The following KCNIP4 variants were observed in gnomAD, a reference collection of about 807,000 sequenced individuals.
KCNIP4 encodes the protein Kv channel-interacting protein 4.
KCNIP4 carries 12 observed loss-of-function variants against 34.0 expected under a neutral mutation model. The observed-to-expected ratio is 0.35, with a 90% CI of 0.23 to 0.57. KCNIP4 has a LOEUF of 0.57. Ranked by LOEUF, KCNIP4 falls within the 20% of genes least tolerant of loss-of-function variation. The probability of loss-of-function intolerance (pLI) is 0.83; values close to 1 mark genes in which losing one functional copy is unlikely to be tolerated. For missense variants in KCNIP4, 238 were observed against 311.7 expected, an observed-to-expected ratio of 0.76 and a Z score of 1.78; for synonymous variants, 124 against 102.2, an observed-to-expected ratio of 1.21 and a Z score of -1.29.
At chr4:21,072,518 T>G (rs1745054016) in intron 1 of KCNIP4, among the ~76,000 whole-genome samples, 1 of 152,156 alleles carries the variant, frequency 6.6e-6, no homozygotes, top group Admixed American at 6.5e-5. Context: ...AAATTTTGTT[T>G]AAGTTCTTTG....
chr4:20,907,058 T>C (rs950545429), intron 1 of KCNIP4, among the ~76,000 whole-genome samples: 4 of 152,216 alleles, frequency 2.6e-5, no homozygotes, highest in Non-Finnish European at 5.9e-5. Context: ...TTTGGCTTAA[T>C]GAGAGTATAT....
At chr4:20,832,179 G>GATT (rs1274153872) in intron 3 of KCNIP4, among the ~76,000 whole-genome samples, 1 of 151,928 alleles carries the variant, frequency 6.6e-6, no homozygotes. Context: ...TTGCTGTTTG[G>GATT]ATTATTATTA....
intron 1 of KCNIP4, among the ~76,000 whole-genome samples, chr4:21,557,827 G>C (rs1739197349): frequency 6.6e-6 from 1 of 152,084 alleles, no homozygotes. Flanking sequence ...TTTCCTTCCT[G>C]GGCTTTGTAA....
intron 1 of KCNIP4, among the ~76,000 whole-genome samples, chr4:20,906,011 C>T (rs958468697): frequency 3.3e-5 from 5 of 151,678 alleles, no homozygotes; most frequent in African/African-American, 1.2e-4. Flanking sequence ...TCAATTTCCC[C>T]TTCTTCTTCT....
chr4:21,204,200 C>G (rs1405930806), intron 1 of KCNIP4, among the ~76,000 whole-genome samples: 1 of 151,808 alleles, frequency 6.6e-6, no homozygotes, highest in African/African-American at 2.4e-5. Flanking sequence ...AGTTCTCTCT[C>G]TTTAATGCAT....
chr4:21,819,822 ACTT>A, intron 1 of KCNIP4, among the ~76,000 whole-genome samples: 1 of 152,102 alleles, frequency 6.6e-6, no homozygotes, highest in South Asian at 2.1e-4. Context: ...TTTGAGAGAC[ACTT>A]ACTTATTGTT....
intron 1 of KCNIP4, among the ~76,000 whole-genome samples, chr4:21,337,915 TGTAA>T (rs1309002100): frequency 1.3e-5 from 2 of 152,006 alleles, no homozygotes; most frequent in Non-Finnish European, 2.9e-5. Flanking sequence ...CTTCCACCCG[TGTAA>T]GTGTCTTGTT....
chr4:20,799,660 C>T (rs1245085352), intron 3 of KCNIP4, among the ~76,000 whole-genome samples: 1 of 152,180 alleles, frequency 6.6e-6, no homozygotes, highest in Non-Finnish European at 1.5e-5. Flanking sequence ...TGAGTACTTG[C>T]TGTTACTGTA....
chr4:21,072,598 C>T (rs965025798), intron 1 of KCNIP4, among the ~76,000 whole-genome samples: 2 of 152,144 alleles, frequency 1.3e-5, no homozygotes. Context: ...TATAGGTTGC[C>T]TGTTCACTCT....
chr4:21,123,056 T>C (rs1268499958), intron 1 of KCNIP4, among the ~76,000 whole-genome samples: 2 of 150,218 alleles, frequency 1.3e-5, no homozygotes, highest in Non-Finnish European at 3.0e-5. Flanking sequence ...CAAAAAAAAA[T>C]ACAAAAAATT....
chr4:21,282,105 A>C (rs768820067), intron 1 of KCNIP4, among the ~76,000 whole-genome samples: 5 of 152,248 alleles, frequency 3.3e-5, no homozygotes, highest in African/African-American at 4.8e-5. Flanking sequence ...GTAAGTTCTC[A>C]TAAGTGAGAC....
chr4:21,028,669 T>A (rs1740751645), intron 1 of KCNIP4, among the ~76,000 whole-genome samples: 2 of 152,200 alleles, frequency 1.3e-5, no homozygotes, highest in Non-Finnish European at 2.9e-5. Flanking sequence ...GTTACATGAC[T>A]GCTAGATGCC....
intron 1 of KCNIP4, among the ~76,000 whole-genome samples, chr4:21,450,661 C>A (rs964075347): frequency 6.6e-6 from 1 of 152,008 alleles, no homozygotes; most frequent in African/African-American, 2.4e-5. Flanking sequence ...TAGACAATCT[C>A]GGTTAGCACG....
chr4:21,112,917 G>A (rs953081885), intron 1 of KCNIP4, among the ~76,000 whole-genome samples: 1 of 151,820 alleles, frequency 6.6e-6, no homozygotes, highest in Non-Finnish European at 1.5e-5. Flanking sequence ...CTGATATTAA[G>A]ATAGCCAACC....
intron 1 of KCNIP4, among the ~76,000 whole-genome samples, chr4:21,085,914 G>A (rs1479738565): frequency 6.6e-6 from 1 of 152,146 alleles, no homozygotes; most frequent in Admixed American, 6.6e-5. Context: ...TAACTCCACT[G>A]CATTTCCAGG....
At chr4:21,917,112 T>G (rs1728672247) in intron 1 of KCNIP4, among the ~76,000 whole-genome samples, 1 of 150,218 alleles carries the variant, frequency 6.7e-6, no homozygotes, top group Non-Finnish European at 1.5e-5. Flanking sequence ...CTAATATTTA[T>G]TTAGTACAGT....
At chr4:20,825,934 T>C (rs1195155651) in intron 3 of KCNIP4, among the ~76,000 whole-genome samples, 1 of 152,086 alleles carries the variant, frequency 6.6e-6, no homozygotes, top group Non-Finnish European at 1.5e-5. Context: ...ATCTATTTTA[T>C]GTTGTGAAAT....
At chr4:21,834,393 T>C (rs1438189162) in intron 1 of KCNIP4, among the ~76,000 whole-genome samples, 1 of 152,170 alleles carries the variant, frequency 6.6e-6, no homozygotes, top group Non-Finnish European at 1.5e-5. Context: ...GCTCTCTGTT[T>C]GTCTGTTGTT....
intron 2 of KCNIP4, among the ~76,000 whole-genome samples, chr4:20,852,087 A>C (rs927760012): frequency 6.6e-6 from 1 of 152,172 alleles, no homozygotes; most frequent in Non-Finnish European, 1.5e-5. Flanking sequence ...GAAGAAAGAT[A>C]TAAGGAGATA....
Sources: gnomAD v4.1 joint callset for allele counts (sites outside exome capture counted in the v4.1 genomes callset) on GRCh38, gnomAD v4.1.1 for gene constraint, MANE v1.5 for transcripts, NCBI Gene and HGNC (gene_info 2026-07-23, HGNC 2026-07-21) for gene names.